Variants in CES5A observed in about 807,000 individuals in gnomAD.
CES5A encodes carboxylesterase 5A, also known as carboxylesterase 5.
In CES5A, 67 loss-of-function variants were observed where a neutral mutation model predicts 62.9. The ratio of observed to expected loss-of-function variants is 1.07; its 90% CI spans 0.88 to 1.31. CES5A has a LOEUF of 1.31. Ranked by LOEUF, CES5A falls within the 50% of genes most tolerant of loss-of-function variation. The pLI is 0.00. For synonymous variants in CES5A, 296 were observed against 280.8 expected, an observed-to-expected ratio of 1.05 and a Z score of -0.54; for missense variants, 748 against 708.5, an observed-to-expected ratio of 1.06 and a Z score of -0.63.
chr16:55,866,260 A>G, intron 4 of CES5A, 144 bp from the exon 5 acceptor site: 1 of 652,556 alleles, frequency 1.5e-6, no homozygotes, highest in Non-Finnish European at 2.5e-6. Context: ...GGGAAACCGG[A>G]CTCAGTTCTC....
chr16:55,882,701 G>A (rs2033774414), intron 1 of CES5A, among the ~76,000 whole-genome samples: 2 of 152,194 alleles, frequency 1.3e-5, no homozygotes, highest in African/African-American at 4.8e-5. Flanking sequence ...TTTTTAGCAA[G>A]AGTTGCAAGA....
intron 8 of CES5A, among the ~76,000 whole-genome samples, chr16:55,856,810 C>T (rs7500945): frequency 0.33 from 50,164 of 151,892 alleles, 9,498 homozygotes; most frequent in African/African-American, 0.52. Context: ...GGGGTGATTA[C>T]ATTAAAATGT....
chr16:55,915,969 A>G (rs1250682444), intron 1 of CES5A, among the ~76,000 whole-genome samples: 1 of 152,248 alleles, frequency 6.6e-6, no homozygotes, highest in Non-Finnish European at 1.5e-5. Flanking sequence ...AGACAGTGGC[A>G]TTGCAATAAA....
Position 55,875,236 on chromosome 16 carries a change from G to A in CES5A, c.-15C>T, listed in dbSNP as rs2033674490. 1 of 1,612,442 alleles carries A rather than the reference G, an allele frequency of 6.2e-7. No individual in the cohort carries two copies. The highest frequency in any genetic ancestry group is 8.5e-7 in the Non-Finnish European group (1 of 1,179,232). Reference sequence around the variant, plus strand: ...TTCCCACTCATTTGGCTGCCTGCCTGCACTCTGTGAACATTGACGGCGGCT... The same window carrying A: ...TTCCCACTCATTTGGCTGCCTGCCTACACTCTGTGAACATTGACGGCGGCT... On this transcript the variant is annotated 5_prime_UTR_variant, in exon 1 of 13. Coordinates refer to ENST00000290567, the MANE Select transcript of CES5A (RefSeq NM_001143685.2).
intron 1 of CES5A, among the ~76,000 whole-genome samples, chr16:55,905,825 C>A (rs531429855): frequency 6.6e-6 from 1 of 152,122 alleles, no homozygotes; most frequent in Non-Finnish European, 1.5e-5. Context: ...CAAAACTATA[C>A]GCGCAATGGA....
At chr16:55,944,203 C>T in intron 2 of CES5A, 1 of 682,980 alleles carries the variant, frequency 1.5e-6, no homozygotes, top group Non-Finnish European at 2.7e-6. Context: ...CCATCAATAG[C>T]TGACAGTACG....
intron 1 of CES5A, among the ~76,000 whole-genome samples, chr16:55,881,159 G>A (rs1453909380): frequency 1.3e-5 from 2 of 152,132 alleles, no homozygotes; most frequent in Admixed American, 1.3e-4. Context: ...CTTGTACTCT[G>A]GTAACAATGC....
At chr16:55,931,058 A>C (rs545081596) in intron 2 of CES5A, among the ~76,000 whole-genome samples, 1 of 152,356 alleles carries the variant, frequency 6.6e-6, no homozygotes, top group African/African-American at 2.4e-5. Flanking sequence ...GGAGAAATCA[A>C]GGCCCAGGTA....
intron 2 of CES5A, among the ~76,000 whole-genome samples, chr16:55,940,904 A>G (rs1385749510): frequency 1.3e-5 from 2 of 151,930 alleles, no homozygotes; most frequent in East Asian, 1.9e-4. Flanking sequence ...GGCAAAATAC[A>G]TCATCATACG....
Position 55,849,733 on chromosome 16 carries a change from C to T in CES5A, c.1314G>A (p.Arg438=). 1.9e-6 allele frequency: 3 copies of T among 1,613,996 alleles called. No individual in the cohort carries two copies. Among genetic ancestry groups the T allele is most frequent in the Non-Finnish European group, 2.5e-6 (3 of 1,179,890 alleles). Residue 438 remains arginine (R), a synonymous_variant, in exon 11 of 13, where the codon CGG becomes CGA. Coordinates refer to ENST00000290567, the MANE Select transcript of CES5A (RefSeq NM_001143685.2). The part of the protein sequence containing the change: ...APVYFYEFRH[R]PQCFEDTKPA... Reference sequence around the variant, plus strand: ...GCTTCGTGTCTTCAAAGCACTGAGGCCGGTGCCGAAACTCATAGAAGTAGA... The same window carrying T: ...GCTTCGTGTCTTCAAAGCACTGAGGTCGGTGCCGAAACTCATAGAAGTAGA...
At chr16:55,937,178 T>C (rs1449616715) in intron 2 of CES5A, among the ~76,000 whole-genome samples, 3 of 151,908 alleles carry the variant, frequency 2.0e-5, no homozygotes, top group African/African-American at 7.3e-5. Context: ...CTGTGCATTT[T>C]AGTAAAGCCT....
intron 1 of CES5A, among the ~76,000 whole-genome samples, chr16:55,903,931 G>A (rs889895801): frequency 2.0e-5 from 3 of 152,284 alleles, no homozygotes; most frequent in Non-Finnish European, 1.5e-5. Flanking sequence ...TGGGGAAAAC[G>A]TTGCAAGAAG....
chr16:55,922,153 AAAC>A (rs2034211814), intron 1 of CES5A, among the ~76,000 whole-genome samples: 2 of 152,140 alleles, frequency 1.3e-5, no homozygotes, highest in Admixed American at 1.3e-4. Flanking sequence ...ACCAGAAAAC[AAAC>A]AACAAAATGT....
intron 1 of CES5A, among the ~76,000 whole-genome samples, chr16:55,910,522 C>A (rs149086591): frequency 6.6e-6 from 1 of 152,336 alleles, no homozygotes; most frequent in Non-Finnish European, 1.5e-5. Flanking sequence ...TCTTTTGAGA[C>A]GCTGCTGCTT....
At position 55,862,046 on chromosome 16, in the gene CES5A, A is replaced by G. The variant is rs1328577758; in HGVS notation, c.811-530T>C. 2.0e-5 allele frequency among the ~76,000 whole-genome samples: 3 copies of G among 151,972 alleles called. No homozygotes were observed. In the East Asian group the frequency reaches 5.8e-4, roughly 29 times the overall value. On this transcript the variant is annotated intron_variant, in intron 6 of 12. Transcript: ENST00000290567. ...CCTACCTGTCTTTTTCCCTGCCTCTATACCAATCCTTTTCATTCTTTAAGG... is the reference window on the plus strand; with the variant it reads ...CCTACCTGTCTTTTTCCCTGCCTCTGTACCAATCCTTTTCATTCTTTAAGG...
At chr16:55,926,788 G>A (rs748211849), upstream of CES5A, among the ~76,000 whole-genome samples, 2 of 152,148 alleles carry the variant, frequency 1.3e-5, no homozygotes, top group Admixed American at 6.5e-5. Flanking sequence ...TTTCAAGAAC[G>A]TCAACATGCA....
rs56017491 is a variant in CES5A at position 55,854,544 on chromosome 16, C to CTTTTTTTTTTTTTTTTTTTTTTTTTTT, written c.1126-1517_1126-1516insAAAAAAAAAAAAAAAAAAAAAAAAAAA. On this transcript the variant is annotated intron_variant, in intron 9 of 12. Transcript: ENST00000290567. ...CCTGTAGTGTTTCTTTTTTTTTTTT[C>CTTTTTTTTTTTTTTTTTTTTTTTTTTT]TTTTTTTTTTTTTGAGACAGAGTCT... is the stretch of plus-strand genomic sequence containing the variant. Among the ~76,000 whole-genome samples the CTTTTTTTTTTTTTTTTTTTTTTTTTTT allele has an allele frequency of 1.8e-3, 113 of 64,404 alleles. 19 individuals carry two copies. Among genetic ancestry groups the CTTTTTTTTTTTTTTTTTTTTTTTTTTT allele is most frequent in the African/African-American group, 2.7e-3 (38 of 14,322 alleles). 42.3% of individuals were successfully genotyped at this position (64,404 alleles called of 152,430 possible).
intron 4 of CES5A, among the ~76,000 whole-genome samples, chr16:55,867,953 A>G (rs142782745): frequency 3.3e-5 from 5 of 152,186 alleles, no homozygotes; most frequent in African/African-American, 9.6e-5. Context: ...GGGGCTCCCT[A>G]TCTGCAGCTG....
intron 1 of CES5A, among the ~76,000 whole-genome samples, chr16:55,915,878 T>A (rs986458636): frequency 6.6e-6 from 1 of 152,298 alleles, no homozygotes; most frequent in South Asian, 2.1e-4. Context: ...GAAGGATAGA[T>A]CTCTAGTTCA....
Sources: gnomAD v4.1 joint callset for allele counts (sites outside exome capture counted in the v4.1 genomes callset) on GRCh38, gnomAD v4.1.1 for gene constraint, MANE v1.5 for transcripts, NCBI Gene and HGNC (gene_info 2026-07-23, HGNC 2026-07-21) for gene names.